The following TAMM41 variants were observed in gnomAD, a reference collection of about 807,000 sequenced individuals.
TAMM41 encodes TAM41 mitochondrial translocator assembly and maintenance homolog.
In TAMM41, 36 loss-of-function variants were observed where a neutral mutation model predicts 44.1. That is an observed-to-expected ratio of 0.82 (90% CI 0.63 to 1.08). TAMM41 has a LOEUF of 1.08. TAMM41 is among the 50% of genes least tolerant of loss of function. The pLI, the probability that TAMM41 is intolerant of heterozygous loss-of-function variation, is 0.00. For missense variants in TAMM41, 417 were observed against 404.3 expected, an observed-to-expected ratio of 1.03 and a Z score of -0.27; for synonymous variants, 164 against 153.1, an observed-to-expected ratio of 1.07 and a Z score of -0.53.
the TAMM41 span, among the ~76,000 whole-genome samples, chr3:11,738,328 T>C: frequency 3.9e-5 from 6 of 152,234 alleles, no homozygotes; most frequent in Non-Finnish European, 8.8e-5. Context: ...GAACAAGTTA[T>C]TGAGTATCTC....
At chr3:11,843,051 A>G (rs1243846719) in intron 2 of TAMM41, among the ~76,000 whole-genome samples, 1 of 152,176 alleles carries the variant, frequency 6.6e-6, no homozygotes, top group Non-Finnish European at 1.5e-5. Context: ...CTGCTCTCCA[A>G]CAGCCCACTG....
chr3:11,830,908 T>C (rs4684085), intron 3 of TAMM41: 86,682 of 150,900 alleles, frequency 0.57, 26,771 homozygotes, highest in African/African-American at 0.78. Context: ...ACTAAGAGCT[T>C]CAGTCTGTTC....
At chr3:11,829,231 A>G (rs2078882658) in intron 4 of TAMM41, among the ~76,000 whole-genome samples, 2 of 152,180 alleles carry the variant, frequency 1.3e-5, no homozygotes, top group Admixed American at 1.3e-4. Flanking sequence ...CTTGTTTCTA[A>G]AAATAAAAAT....
chr3:11,723,485 A>AG, the TAMM41 span, among the ~76,000 whole-genome samples: 9 of 151,256 alleles, frequency 6.0e-5, no homozygotes, highest in Admixed American at 4.6e-4. Context: ...GGAGGCTGAC[A>AG]TGGTAGGATC....
the TAMM41 span, among the ~76,000 whole-genome samples, chr3:11,751,464 A>G: frequency 1.3e-5 from 2 of 152,120 alleles, no homozygotes; most frequent in Admixed American, 6.5e-5. Context: ...CACGAATAGC[A>G]CTGAGCCAAA....
the TAMM41 span, among the ~76,000 whole-genome samples, chr3:11,740,958 C>T: frequency 8.1e-4 from 118 of 146,348 alleles, 12 homozygotes; most frequent in African/African-American, 2.9e-3. Context: ...TGGTGGCTCA[C>T]GCCTGTAATC....
intron 5 of TAMM41, among the ~76,000 whole-genome samples, chr3:11,813,487 G>A (rs181811646): frequency 1.3e-3 from 192 of 152,166 alleles, no homozygotes; most frequent in African/African-American, 4.4e-3. Context: ...CCGAGATTGC[G>A]CCACTGCACT....
chr3:11,802,551 C>A (rs543762290), intron 7 of TAMM41, among the ~76,000 whole-genome samples: 1 of 152,132 alleles, frequency 6.6e-6, no homozygotes, highest in Non-Finnish European at 1.5e-5. Context: ...GACTGAATCA[C>A]TAATAAAAAT....
At chr3:11,808,796 G>A in intron 6 of TAMM41, 1 of 186,708 alleles carries the variant, frequency 5.4e-6, no homozygotes, top group Non-Finnish European at 1.0e-5. Context: ...TGCGATCCTA[G>A]CTCATTGCAG....
chr3:11,729,516 TC>T, the TAMM41 span, among the ~76,000 whole-genome samples: 3 of 142,946 alleles, frequency 2.1e-5, no homozygotes, highest in Non-Finnish European at 4.5e-5. Flanking sequence ...TTTCTTTCTT[TC>T]TTTCTTTCTT....
At chr3:11,778,005 T>C in the TAMM41 span, among the ~76,000 whole-genome samples, 34 of 152,248 alleles carry the variant, frequency 2.2e-4, no homozygotes, top group East Asian at 6.2e-3. Flanking sequence ...TGGCATTTCA[T>C]GTAAGTGACA....
At chr3:11,813,920 G>T (rs2078181872) in intron 5 of TAMM41, among the ~76,000 whole-genome samples, 1 of 143,422 alleles carries the variant, frequency 7.0e-6, no homozygotes, top group East Asian at 2.1e-4. Flanking sequence ...GTGTATATAT[G>T]TATATATGTG....
chr3:11,776,004 TTTAA>T, the TAMM41 span, among the ~76,000 whole-genome samples: 2 of 128,960 alleles, frequency 1.6e-5, no homozygotes, highest in Admixed American at 9.1e-5. Context: ...TCTTTTATTT[TTTAA>T]TTAATTAATT....
At chr3:11,791,479 G>T (rs1478174098) in intron 7 of TAMM41, among the ~76,000 whole-genome samples, 2 of 152,202 alleles carry the variant, frequency 1.3e-5, no homozygotes, top group Non-Finnish European at 2.9e-5. Flanking sequence ...TTTGTGTTGA[G>T]GGTGGGATCA....
intron 7 of TAMM41, among the ~76,000 whole-genome samples, chr3:11,793,059 C>CAAAAAAA (rs61264653): frequency 2.6e-4 from 17 of 65,108 alleles, no homozygotes; most frequent in East Asian, 1.8e-3. Flanking sequence ...GGCCCCATCT[C>CAAAAAAA]AAAAAAAAAA....
intron 4 of TAMM41, among the ~76,000 whole-genome samples, chr3:11,824,670 A>G (rs2078668702): frequency 6.6e-6 from 1 of 152,192 alleles, no homozygotes; most frequent in Admixed American, 6.5e-5. Flanking sequence ...TGGTTCAGGA[A>G]GGAAGCAGTA....
At chr3:11,744,999 G>T in the TAMM41 span, among the ~76,000 whole-genome samples, 1 of 152,064 alleles carries the variant, frequency 6.6e-6, no homozygotes, top group African/African-American at 2.4e-5. Context: ...GAGTACCTGG[G>T]ATTACAGGTG....
At chr3:11,793,241 A>C (rs1288500620) in intron 7 of TAMM41, among the ~76,000 whole-genome samples, 1 of 152,182 alleles carries the variant, frequency 6.6e-6, no homozygotes, top group Non-Finnish European at 1.5e-5. Flanking sequence ...ACAAAAGAGC[A>C]TATCCAAATA....
intron 5 of TAMM41, among the ~76,000 whole-genome samples, chr3:11,812,657 TTAGAATCCCATGCCG>T (rs1305598188): frequency 6.6e-6 from 1 of 152,132 alleles, no homozygotes; most frequent in Non-Finnish European, 1.5e-5. Flanking sequence ...CCCAATTAAT[TTAGAATCCCATGCCG>T]TAAGTCCAGC....
Sources: gnomAD v4.1 joint callset for allele counts (sites outside exome capture counted in the v4.1 genomes callset) on GRCh38, gnomAD v4.1.1 for gene constraint, MANE v1.5 for transcripts, NCBI Gene and HGNC (gene_info 2026-07-23, HGNC 2026-07-21) for gene names.